Variants in PDGFA observed in about 807,000 individuals in gnomAD.
PDGFA encodes platelet-derived growth factor subunit A.
PDGFA carries 9 observed loss-of-function variants against 25.6 expected under a neutral mutation model. That is an observed-to-expected ratio of 0.35 (90% CI 0.21 to 0.61). PDGFA has a LOEUF of 0.61. Among genes scored for constraint, PDGFA ranks in the 20% least tolerant of loss-of-function variants. The pLI is 0.75. For missense variants in PDGFA, 242 were observed against 272.8 expected (o/e 0.89, Z 0.79); for synonymous variants, 133 against 111.8 (o/e 1.19, Z -1.20).
At position 517,688 on chromosome 7, in the gene PDGFA, T is replaced by A. The variant is rs1033565489; in HGVS notation, c.64-198A>T. 1.6e-4 allele frequency among the ~76,000 whole-genome samples: 24 copies of A among 151,258 alleles called. No homozygotes were observed. The highest frequency in any genetic ancestry group is 5.8e-4 in the African/African-American group (24 of 41,184). The stretch of plus-strand genomic sequence containing the variant: ...GGGTGGGGCTGGAAGAGACCCCAAA[T>A]TCTCCACCCGCATCCATGTTCCGCC... On this transcript the variant is annotated intron_variant, in intron 1 of 5. Coordinates refer to ENST00000402802, the Ensembl canonical transcript of PDGFA. The surrounding 1 kb of genome is among the most constrained non-coding windows in gnomAD (Gnocchi z 7.4).
chr7:506,467 G>A (rs1447259463), intron 4 of PDGFA, among the ~76,000 whole-genome samples: 1 of 151,850 alleles, frequency 6.6e-6, no homozygotes, highest in Non-Finnish European at 1.5e-5. Context: ...AGTCGTGGCT[G>A]GGAGCTTCTC....
chr7:517,892 G>A lies in PDGFA; in HGVS notation c.64-402C>T, dbSNP rs1430116709. ...ATCAAGTTAAAATGCGTCACGGGTC[G>A]GCGAGAGTCACGGCAGCCCTAACAC... On this transcript the variant is annotated intron_variant, in intron 1 of 5. Transcript: ENST00000402802. This position sits in a 1 kb window ranked among gnomAD's most constrained non-coding sequence, Gnocchi z 7.4. Among the ~76,000 whole-genome samples, 1 of 152,156 alleles carries A rather than the reference G, an allele frequency of 6.6e-6. No homozygotes were observed. Among genetic ancestry groups the A allele is most frequent in the Non-Finnish European group, 1.5e-5 (1 of 68,020 alleles).
rs545183798 is a variant in PDGFA, at chr7:512,240, C to T, written c.265+111G>A. ...ACGGGTGGCTTGCCTGAGGCCACTGCGCTGGGAGAGCGGGCAGCTCCTCCC... is the reference window on the plus strand; with the variant it reads ...ACGGGTGGCTTGCCTGAGGCCACTGTGCTGGGAGAGCGGGCAGCTCCTCCC... On this transcript the variant is annotated intron_variant, in intron 3 of 5. Coordinates refer to ENST00000402802, the Ensembl canonical transcript of PDGFA. The T allele has an allele frequency of 2.7e-3, 2,864 of 1,043,740 alleles. 12 individuals carry two copies. The highest frequency in any genetic ancestry group is 3.5e-3 in the African/African-American group (223 of 63,198). The allele number at this position is 1,043,740 out of a possible 1,614,324, so 64.7% of individuals were successfully genotyped here. A position where few individuals can be genotyped will look rare whatever the true frequency, so the allele number is the denominator to read the frequency against.
chr7:517,500 G>A lies in PDGFA; in HGVS notation c.64-10C>T. On this transcript the variant is annotated splice_polypyrimidine_tract_variant and intron_variant, in intron 1 of 5. Transcript: ENST00000402802. The surrounding 1 kb of genome is among the most constrained non-coding windows in gnomAD (Gnocchi z 7.4). ...GGGGGATCTCGGCTTCCTGCAAGCAGAGGCCACACGGTCAGCGCCCGCGGC... is the reference window on the plus strand; with the variant it reads ...GGGGGATCTCGGCTTCCTGCAAGCAAAGGCCACACGGTCAGCGCCCGCGGC... 1.0e-5 allele frequency: 13 copies of A among 1,283,190 alleles called. No individual in the cohort carries two copies. Among genetic ancestry groups the A allele is most frequent in the South Asian group, 1.9e-5 (1 of 53,392 alleles). 79.5% of individuals were successfully genotyped at this position (1,283,190 alleles called of 1,614,324 possible). A position where few individuals can be genotyped will look rare whatever the true frequency, so the allele number is the denominator to read the frequency against.
At chr7:510,077 G>C (rs1262087485) in intron 4 of PDGFA, among the ~76,000 whole-genome samples, 2 of 152,150 alleles carry the variant, frequency 1.3e-5, no homozygotes, top group Admixed American at 6.5e-5. Flanking sequence ...GGCCCCCACT[G>C]AAGAGCCCGC....
intron 2 of PDGFA, among the ~76,000 whole-genome samples, chr7:516,158 C>A (rs908463878): frequency 6.0e-5 from 9 of 149,102 alleles, no homozygotes; most frequent in African/African-American, 2.0e-4. Flanking sequence ...GGGATCCGGT[C>A]AAAATCCCCC....
intron 1 of PDGFA, 52 bp downstream of exon 1, chr7:518,887 G>A: frequency 7.9e-7 from 1 of 1,262,570 alleles, no homozygotes; most frequent in Non-Finnish European, 1.1e-6. Context: ...GCCGGCGGGG[G>A]GTGTGCGCCG....
At chr7:515,989 T>C (rs1783071194) in intron 2 of PDGFA, among the ~76,000 whole-genome samples, 1 of 134,466 alleles carries the variant, frequency 7.4e-6, no homozygotes, top group African/African-American at 2.8e-5. Context: ...AGCCTCCCCT[T>C]CTGCTAGCAC....
chr7:497,938 G>GT (rs1390024241), exon 6 of PDGFA: 6 of 12,782 alleles, frequency 4.7e-4, no homozygotes, highest in Non-Finnish European at 5.4e-4. Flanking sequence ...ACTTTATGGT[G>GT]TAAAAAAAAA....
Position 500,640 on chromosome 7 carries a change from C to A in PDGFA, c.580+476G>T, listed in dbSNP as rs1782288178. ...CCTGGCACCGAGAAACTTCTGAGTC[C>A]CCTCATGCTCCCAGGGCCCAGCCAT... is the stretch of plus-strand genomic sequence containing the variant. On this transcript the variant is annotated intron_variant, in intron 5 of 5. Transcript: ENST00000402802. This position sits in a 1 kb window ranked among gnomAD's most constrained non-coding sequence, Gnocchi z 5.0. 6.7e-7 allele frequency: 1 copy of A among 1,485,316 alleles called. No individual in the cohort carries two copies. Among genetic ancestry groups the A allele is most frequent in the Non-Finnish European group, 8.9e-7 (1 of 1,123,490 alleles). 92.0% of individuals were successfully genotyped at this position (1,485,316 alleles called of 1,614,324 possible).
chr7:501,503 C>T (rs991615763), intron 4 of PDGFA, among the ~76,000 whole-genome samples: 3 of 152,208 alleles, frequency 2.0e-5, no homozygotes, highest in Admixed American at 2.0e-4. Context: ...ATAGCCTCTG[C>T]AGCCTCAAGC....
chr7:500,827 C>T lies in PDGFA; in HGVS notation c.580+289G>A, dbSNP rs1304683540. ...TTCTTCTCAGCTCAGCCCCGCAGCC[C>T]ACTAATGAATTGGGTGTCTTATGCA... On this transcript the variant is annotated intron_variant, in intron 5 of 5. Coordinates refer to ENST00000402802, the Ensembl canonical transcript of PDGFA. This position sits in a 1 kb window ranked among gnomAD's most constrained non-coding sequence, Gnocchi z 5.0. 4 of 1,488,824 alleles carry T rather than the reference C, an allele frequency of 2.7e-6. No individual in the cohort carries two copies. Among genetic ancestry groups the T allele is most frequent in the Non-Finnish European group, 3.6e-6 (4 of 1,118,800 alleles). The allele number at this position is 1,488,824 out of a possible 1,614,324, so 92.2% of individuals were successfully genotyped here.
chr7:515,935 G>A (rs1450540584), intron 2 of PDGFA, among the ~76,000 whole-genome samples: 1 of 151,660 alleles, frequency 6.6e-6, no homozygotes, highest in Non-Finnish European at 1.5e-5. Context: ...CCATTTCCCT[G>A]CAGCTTCCAA....
In PDGFA at chr7:517,333, G is replaced by C. The variant is rs1264131203; in HGVS notation, c.160+61C>G. 21 of 725,080 alleles carry C rather than the reference G, an allele frequency of 2.9e-5. No homozygotes were observed. In the East Asian group the frequency reaches 7.0e-4, roughly 24 times the overall value. The allele number at this position is 725,080 out of a possible 1,614,324, so 44.9% of individuals were successfully genotyped here. A position where few individuals can be genotyped will look rare whatever the true frequency, so the allele number is the denominator to read the frequency against. On this transcript the variant is annotated intron_variant, in intron 2 of 5. Transcript: ENST00000402802. The surrounding 1 kb of genome is among the most constrained non-coding windows in gnomAD (Gnocchi z 7.4). ...GCGGCGCCCCGCCCGGCCCCAGCTCGGGGCGCACAGGCCGCCCGCCCGCGC... is the reference window on the plus strand; with the variant it reads ...GCGGCGCCCCGCCCGGCCCCAGCTCCGGGCGCACAGGCCGCCCGCCCGCGC...
At chr7:503,711 G>A (rs1437035894) in intron 4 of PDGFA, among the ~76,000 whole-genome samples, 10 of 152,176 alleles carry the variant, frequency 6.6e-5, no homozygotes, top group Admixed American at 2.0e-4. Context: ...TGAGTTAATG[G>A]TTAACCCACA....
At chr7:497,697 A>G (rs1278439825) in exon 6 of PDGFA, 2 of 152,078 alleles carry the variant, frequency 1.3e-5, no homozygotes, top group East Asian at 3.9e-4. Context: ...AAGCAGGGTA[A>G]GGGAGAAACA....
rs780172604 is a variant in PDGFA, at chr7:511,001, A to G, written c.266-5T>C. On this transcript the variant is annotated splice_region_variant and splice_polypyrimidine_tract_variant and intron_variant, in intron 3 of 5. Coordinates refer to ENST00000402802, the Ensembl canonical transcript of PDGFA. ...AGACAGCGGGGACAGCTTCCTCTGC[A>G]ACGGCGGGGGCACAGTGAGCGGGGA... 207 of 1,610,844 alleles carry G rather than the reference A, an allele frequency of 1.3e-4. No homozygotes were observed. Among genetic ancestry groups the G allele is most frequent in the Non-Finnish European group, 1.6e-4 (193 of 1,178,570 alleles).
chr7:512,612 A>C (rs1372479420), intron 2 of PDGFA, 157 bp from the exon 3 acceptor site: 1 of 1,539,766 alleles, frequency 6.5e-7, no homozygotes, highest in African/African-American at 1.4e-5. Context: ...GGGGCCCTCC[A>C]GGAGAACCTC....
At chr7:507,599 T>C (rs1038412622) in intron 4 of PDGFA, among the ~76,000 whole-genome samples, 1 of 152,198 alleles carries the variant, frequency 6.6e-6, no homozygotes, top group Non-Finnish European at 1.5e-5. Context: ...AGCCATGGGC[T>C]GAGAGCCTCT....
Sources: gnomAD v4.1 joint callset for allele counts (sites outside exome capture counted in the v4.1 genomes callset) on GRCh38, gnomAD v4.1.1 for gene constraint, Gnocchi (gnomAD v3.1) non-coding constraint, MANE v1.5 for transcripts, NCBI Gene and HGNC (gene_info 2026-07-23, HGNC 2026-07-21) for gene names.